CWF19L2: variants seen among roughly 807,000 people sequenced by gnomAD.
CWF19L2 encodes CWF19 like cell cycle control factor 2.
In CWF19L2, 98 loss-of-function variants were observed where a neutral mutation model predicts 111.7. The observed-to-expected ratio is 0.88, with a 90% CI of 0.75 to 1.04. CWF19L2 has a LOEUF of 1.04. Ranked by LOEUF, CWF19L2 falls within the 50% of genes least tolerant of loss-of-function variation. The pLI is 0.00. For missense variants in CWF19L2, 1,101 were observed against 1,051.4 expected (o/e 1.05, Z -0.65); for synonymous variants, 351 against 342.9 (o/e 1.02, Z -0.26).
At chr11:107,395,373 G>A (rs779761923) in intron 10 of CWF19L2, among the ~76,000 whole-genome samples, 14 of 152,122 alleles carry the variant, frequency 9.2e-5, no homozygotes, top group African/African-American at 2.4e-4. Context: ...GCCCAGTTTC[G>A]GGTATGTCTT....
At chr11:107,445,896 T>C (rs751693151) in intron 3 of CWF19L2, among the ~76,000 whole-genome samples, 1 of 152,202 alleles carries the variant, frequency 6.6e-6, no homozygotes, top group Non-Finnish European at 1.5e-5. Flanking sequence ...TGAAGCCTTA[T>C]GATCAAGTGT....
intron 7 of CWF19L2, among the ~76,000 whole-genome samples, chr11:107,430,938 A>T (rs1161537169): frequency 6.6e-6 from 1 of 152,068 alleles, no homozygotes; most frequent in Non-Finnish European, 1.5e-5. Context: ...TAACTCTAGT[A>T]ATTATTTCCC....
intron 10 of CWF19L2, among the ~76,000 whole-genome samples, chr11:107,411,187 A>G (rs1185968450): frequency 2.0e-5 from 3 of 152,084 alleles, no homozygotes; most frequent in Non-Finnish European, 4.4e-5. Flanking sequence ...TTTCTGACCC[A>G]TTATTCTGTT....
At chr11:107,413,218 GGAGGGGCA>G (rs1468431062) in intron 10 of CWF19L2, among the ~76,000 whole-genome samples, 1 of 152,160 alleles carries the variant, frequency 6.6e-6, no homozygotes, top group Non-Finnish European at 1.5e-5. Context: ...CTGTGCTTAT[GGAGGGGCA>G]GGAAGTGTAT....
At chr11:107,396,217 A>T (rs1285516749) in intron 10 of CWF19L2, among the ~76,000 whole-genome samples, 4 of 152,252 alleles carry the variant, frequency 2.6e-5, no homozygotes, top group Admixed American at 1.3e-4. Flanking sequence ...ATCTCAAAAG[A>T]AACCAGAAAC....
chr11:107,447,335 C>T (rs917707178), intron 3 of CWF19L2, among the ~76,000 whole-genome samples: 4 of 152,038 alleles, frequency 2.6e-5, no homozygotes, highest in African/African-American at 9.7e-5. Context: ...ACTTAAAGGA[C>T]CCCTGGAGTC....
intron 12 of CWF19L2, among the ~76,000 whole-genome samples, chr11:107,358,079 T>C (rs530019714): frequency 2.6e-5 from 4 of 152,172 alleles, no homozygotes; most frequent in African/African-American, 4.8e-5. Context: ...TACAATCAAA[T>C]AGACAGATAA....
At chr11:107,360,871 T>A (rs1259858745) in intron 12 of CWF19L2, among the ~76,000 whole-genome samples, 1 of 152,256 alleles carries the variant, frequency 6.6e-6, no homozygotes, top group Non-Finnish European at 1.5e-5. Context: ...TTGTATATTC[T>A]TGGATATTAG....
At chr11:107,401,324 C>G (rs1860996212) in intron 10 of CWF19L2, among the ~76,000 whole-genome samples, 1 of 152,108 alleles carries the variant, frequency 6.6e-6, no homozygotes, top group African/African-American at 2.4e-5. Flanking sequence ...ACCCTAAGGA[C>G]TCCTCCAGAA....
chr11:107,340,782 C>A (rs1356475678), intron 14 of CWF19L2, among the ~76,000 whole-genome samples: 1 of 152,136 alleles, frequency 6.6e-6, no homozygotes, highest in East Asian at 1.9e-4. Flanking sequence ...GGAAGACTGT[C>A]ATCTTTACTA....
chr11:107,420,685 T>C (rs1861291155), intron 8 of CWF19L2, among the ~76,000 whole-genome samples: 1 of 152,094 alleles, frequency 6.6e-6, no homozygotes, highest in Non-Finnish European at 1.5e-5. Flanking sequence ...TACATACCTA[T>C]GTTAAAGTTT....
intron 12 of CWF19L2, among the ~76,000 whole-genome samples, chr11:107,383,365 G>A (rs1860720601): frequency 6.6e-6 from 1 of 152,062 alleles, no homozygotes. Context: ...CCACTGCTCG[G>A]TGCGTGGAGA....
At chr11:107,381,011 C>T (rs1219622586) in intron 12 of CWF19L2, among the ~76,000 whole-genome samples, 1 of 152,038 alleles carries the variant, frequency 6.6e-6, no homozygotes, top group Non-Finnish European at 1.5e-5. Flanking sequence ...TTACCTAGAA[C>T]AGGCAAATTC....
chr11:107,418,157 A>T, intron 9 of CWF19L2, 37 bp downstream of exon 9: 1 of 1,249,938 alleles, frequency 8.0e-7, no homozygotes, highest in Non-Finnish European at 1.2e-6. Context: ...TTAAACATTT[A>T]ATCATTATTC....
At chr11:107,383,474 C>T (rs1194708613) in intron 12 of CWF19L2, among the ~76,000 whole-genome samples, 1 of 152,142 alleles carries the variant, frequency 6.6e-6, no homozygotes, top group Non-Finnish European at 1.5e-5. Context: ...TTTCTCTACA[C>T]ATCTTTTTCA....
rs1386263828 is a variant in CWF19L2 at position 107,392,784 on chromosome 11, G to A, written c.1729C>T (p.Gln577Ter). The change falls in exon 11 of 18, where the codon CAG (glutamine) becomes TAG (stop). Residue 577 changes from glutamine to a stop codon, truncating the protein, a stop_gained. Transcript: ENST00000282251. LOFTEE classifies it high-confidence loss of function. ...AAGACATATGTTAAACATACCATCTGTCTCTTTCTTCTTCCTCCTTGTGAT... is the reference window on the plus strand; with the variant it reads ...AAGACATATGTTAAACATACCATCTATCTCTTTCTTCTTCCTCCTTGTGAT... ...LESQGGRRKR[Q>*]MVSTHEERER... 1 of 1,563,764 alleles carries A rather than the reference G, an allele frequency of 6.4e-7. No individual in the cohort carries two copies. Among genetic ancestry groups the A allele is most frequent in the African/African-American group, 1.4e-5 (1 of 72,808 alleles).
chr11:107,456,678 T>C (rs1338663432), intron 1 of CWF19L2, among the ~76,000 whole-genome samples: 5 of 152,024 alleles, frequency 3.3e-5, no homozygotes, highest in African/African-American at 4.8e-5. Flanking sequence ...GGGAAAATCA[T>C]GGAGAGGTAG....
chr11:107,337,596 G>A (rs563335706), intron 14 of CWF19L2, among the ~76,000 whole-genome samples: 3 of 152,112 alleles, frequency 2.0e-5, no homozygotes, highest in Non-Finnish European at 4.4e-5. Context: ...ACATCACCAT[G>A]TCTTACTGTG....
intron 6 of CWF19L2, among the ~76,000 whole-genome samples, chr11:107,435,422 A>G (rs1434853731): frequency 6.6e-6 from 1 of 152,188 alleles, no homozygotes; most frequent in African/African-American, 2.4e-5. Context: ...CTTCCATAAA[A>G]TTATCTGTGA....
Sources: allele counts gnomAD v4.1 joint callset (sites outside exome capture counted in the v4.1 genomes callset), GRCh38; gene constraint gnomAD v4.1.1; transcripts MANE v1.5; gene names NCBI Gene and HGNC (gene_info 2026-07-23, HGNC 2026-07-21).